ZNF730: variants seen among roughly 807,000 people sequenced by gnomAD.
ZNF730 encodes zinc finger protein 730.
ZNF730 carries 12 observed loss-of-function variants against 12.6 expected under a neutral mutation model. That is an observed-to-expected ratio of 0.95 (90% CI 0.61 to 1.54). The LOEUF (loss-of-function observed/expected upper bound fraction) is 1.54, where lower values mean the gene tolerates loss of function less well. ZNF730 is among the 40% of genes most tolerant of loss of function. ZNF730 has a pLI of 0.00. For synonymous variants in ZNF730, 194 were observed against 195.8 expected, an observed-to-expected ratio of 0.99 and a Z score of 0.08; for missense variants, 643 against 583.5, an observed-to-expected ratio of 1.10 and a Z score of -1.05.
At chr19:23,119,992 CTTTTTTTTTT>C (rs539722897) in intron 1 of ZNF730, among the ~76,000 whole-genome samples, 1 of 132,580 alleles carries the variant, frequency 7.5e-6, no homozygotes, top group African/African-American at 2.7e-5. Flanking sequence ...CACTTTCTTT[CTTTTTTTTTT>C]TTTTTTTTCT....
intron 1 of ZNF730, among the ~76,000 whole-genome samples, chr19:23,089,083 G>A (rs1970113584): frequency 6.6e-6 from 1 of 152,042 alleles, no homozygotes; most frequent in Non-Finnish European, 1.5e-5. Context: ...TGTTGGTCAG[G>A]CTGGTCTCGA....
chr19:23,081,462 G>A (rs549612433), intron 1 of ZNF730, among the ~76,000 whole-genome samples: 6 of 152,298 alleles, frequency 3.9e-5, no homozygotes, highest in African/African-American at 1.4e-4. Flanking sequence ...TGGGATTACA[G>A]GCGTGAGCCA....
upstream of ZNF730, among the ~76,000 whole-genome samples, chr19:23,114,308 T>TTTC (rs1555714259): frequency 1.7e-3 from 108 of 63,310 alleles, 11 homozygotes; most frequent in Admixed American, 2.5e-3. Flanking sequence ...TTCTTTTCTT[T>TTTC]TTTTTTTTTT....
At chr19:23,094,396 A>ATCTG (rs1258789529) in intron 1 of ZNF730, among the ~76,000 whole-genome samples, 13 of 147,174 alleles carry the variant, frequency 8.8e-5, no homozygotes, top group African/African-American at 3.1e-4. Flanking sequence ...CTATCTGTCT[A>ATCTG]TCTGTCTATC....
chr19:23,132,523 A>G (rs1376384877), intron 1 of ZNF730, among the ~76,000 whole-genome samples: 2 of 152,184 alleles, frequency 1.3e-5, no homozygotes, highest in African/African-American at 4.8e-5. Flanking sequence ...CCTTCTCTAC[A>G]TTCTCTACAT....
intron 1 of ZNF730, among the ~76,000 whole-genome samples, chr19:23,103,139 T>G (rs968238385): frequency 1.3e-5 from 2 of 152,126 alleles, no homozygotes; most frequent in Non-Finnish European, 2.9e-5. Context: ...CCGGCCAGAG[T>G]TGAAATCATG....
intron 1 of ZNF730, among the ~76,000 whole-genome samples, chr19:23,117,698 T>G (rs1166079512): frequency 4.6e-5 from 7 of 152,226 alleles, no homozygotes. Context: ...TTTCATAAGA[T>G]GCATGATGCA....
At chr19:23,105,028 T>A (rs1036533551) in intron 1 of ZNF730, among the ~76,000 whole-genome samples, 3 of 152,314 alleles carry the variant, frequency 2.0e-5, no homozygotes, top group African/African-American at 7.2e-5. Context: ...GAGATAGTCA[T>A]TTTTGCTCAC....
chr19:23,136,677 G>A (rs1460770313), intron 3 of ZNF730, among the ~76,000 whole-genome samples: 5 of 149,258 alleles, frequency 3.3e-5, no homozygotes, highest in South Asian at 2.1e-4. Context: ...ATTCCATGCC[G>A]TTTTATTACT....
At chr19:23,087,862 C>A (rs1293667655) in intron 1 of ZNF730, among the ~76,000 whole-genome samples, 1 of 152,086 alleles carries the variant, frequency 6.6e-6, no homozygotes, top group Admixed American at 6.5e-5. Flanking sequence ...GATCCACCAC[C>A]TCGGCCTCCC....
At chr19:23,121,424 C>T (rs1304947512) in intron 1 of ZNF730, among the ~76,000 whole-genome samples, 4 of 152,060 alleles carry the variant, frequency 2.6e-5, no homozygotes, top group African/African-American at 7.2e-5. Flanking sequence ...CTGCAACCTC[C>T]GCCTCCCAGG....
At chr19:23,116,324 C>CTTTTCT (rs1310267923), upstream of ZNF730, among the ~76,000 whole-genome samples, 5 of 25,054 alleles carry the variant, frequency 2.0e-4, no homozygotes, top group African/African-American at 3.8e-4. Context: ...CTTTTCTTTT[C>CTTTTCT]TTTCTTTCTT....
chr19:23,095,316 C>T (rs1037531105), intron 1 of ZNF730: 8 of 398,368 alleles, frequency 2.0e-5, no homozygotes, highest in Admixed American at 4.4e-5. Context: ...GACTCTCCTG[C>T]GTGTGCCCTG....
chr19:23,118,951 T>G (rs1409091352), intron 1 of ZNF730, among the ~76,000 whole-genome samples: 1 of 152,230 alleles, frequency 6.6e-6, no homozygotes, highest in Non-Finnish European at 1.5e-5. Flanking sequence ...TTTCTGAGTT[T>G]AATGCTAAAT....
intron 1 of ZNF730, chr19:23,127,047 G>A (rs1568313084): frequency 7.7e-6 from 4 of 520,280 alleles, no homozygotes; most frequent in East Asian, 1.1e-4. Flanking sequence ...AGCATATAAT[G>A]AAGAACCAAT....
intron 3 of ZNF730, among the ~76,000 whole-genome samples, chr19:23,143,289 TTAAC>T (rs1297906745): frequency 6.6e-6 from 1 of 152,096 alleles, no homozygotes; most frequent in East Asian, 1.9e-4. Flanking sequence ...TGGTAAAAAA[TTAAC>T]TTCAACTGAA....
intron 1 of ZNF730, among the ~76,000 whole-genome samples, chr19:23,100,562 G>C (rs1468404275): frequency 6.7e-6 from 1 of 149,940 alleles, no homozygotes; most frequent in Non-Finnish European, 1.5e-5. Flanking sequence ...AATCACACAT[G>C]AATGCAGTTC....
chr19:23,146,313 C>G lies in ZNF730; in HGVS notation c.1269C>G (p.Pro423=), dbSNP rs61738478. The G allele has an allele frequency of 5.5e-4, 891 of 1,613,132 alleles. 8 individuals are homozygous for G. The African/African-American group carries it at 0.011, about 19-fold the overall frequency. Residue 423 remains proline, a synonymous_variant, in exon 4 of 4, where the codon CCC becomes CCG. Coordinates refer to ENST00000597761, the MANE Select transcript of ZNF730 (RefSeq NM_001277403.2). ...THKRIHTGEK[P]YKCEECGRAF... ...AGAGAATTCATACTGGAGAGAAACC[C>G]TACAAATGTGAAGAATGTGGCAGAG...
chr19:23,091,043 G>A (rs1484832707), intron 1 of ZNF730, among the ~76,000 whole-genome samples: 1 of 151,962 alleles, frequency 6.6e-6, no homozygotes, highest in African/African-American at 2.4e-5. Context: ...TTGTGGCCCG[G>A]GGCCCAGGGT....
Sources: allele counts gnomAD v4.1 joint callset (sites outside exome capture counted in the v4.1 genomes callset), GRCh38; gene constraint gnomAD v4.1.1; transcripts MANE v1.5; gene names NCBI Gene and HGNC (gene_info 2026-07-23, HGNC 2026-07-21).